The following ESS2 variants were observed in gnomAD, a reference collection of about 807,000 sequenced individuals.
The protein encoded by ESS2 is splicing factor ESS-2 homolog.
ESS2 carries 31 observed loss-of-function variants against 52.0 expected under a neutral mutation model. The observed-to-expected ratio is 0.60, with a 90% CI of 0.45 to 0.81. The LOEUF (loss-of-function observed/expected upper bound fraction) is 0.81, where lower values mean the gene tolerates loss of function less well. ESS2 is among the 30% of genes least tolerant of loss of function. ESS2 has a pLI of 0.00. For synonymous variants in ESS2, 285 were observed against 259.2 expected, an observed-to-expected ratio of 1.10 and a Z score of -0.95; for missense variants, 602 against 637.2, an observed-to-expected ratio of 0.94 and a Z score of 0.59.
In ESS2 at chr22:19,139,211, C is replaced by T. The variant is rs968116729; in HGVS notation, c.770G>A (p.Ser257Asn). 1.9e-6 allele frequency: 3 copies of T among 1,608,180 alleles called. No homozygotes were observed. Reference protein sequence around the residue: ...KNTRFLRDPFSQALSRCQLQQ... With the variant: ...KNTRFLRDPFNQALSRCQLQQ... ...GAGCTGGCACCTGCTCAGGGCTTGG[C>T]TGAAGGGGTCCCTAAGGAAGCGCGT... The change falls in exon 6 of 10, where the codon AGC (serine) becomes AAC (asparagine). Residue 257 changes from serine (S) to asparagine (N), a missense_variant. Physicochemically the swap from Ser to Asn is conservative, Grantham distance 46 (BLOSUM62 1). Coordinates refer to ENST00000252137, the MANE Select transcript of ESS2 (RefSeq NM_022719.3).
rs756053981 is a variant in ESS2 at position 19,142,765 on chromosome 22, A to G, written c.265T>C (p.Ser89Pro). 9.9e-6 allele frequency: 16 copies of G among 1,614,182 alleles called. No individual in the cohort carries two copies. Among genetic ancestry groups the G allele is most frequent in the Non-Finnish European group, 1.3e-5 (15 of 1,180,036 alleles). Residue 89 changes from serine to proline, a missense_variant, in exon 2 of 10, where the codon TCT becomes CCT. Transcript: ENST00000252137. Reference protein sequence around the residue: ...RMRQIAIKFGSALGKMSREPP... With the variant: ...RMRQIAIKFGPALGKMSREPP... Reference sequence around the variant, plus strand: ...TCCCGGGACATCTTGCCCAAGGCAGAGCCAAACTTGATGGCAATCTGGCGC... The same window carrying G: ...TCCCGGGACATCTTGCCCAAGGCAGGGCCAAACTTGATGGCAATCTGGCGC...
chr22:19,135,506 G>A (rs762380577), intron 8 of ESS2, among the ~76,000 whole-genome samples: 4 of 152,184 alleles, frequency 2.6e-5, no homozygotes, highest in East Asian at 1.9e-4. Context: ...GCGCTTCCCC[G>A]TGTGCCTGTG....
intron 5 of ESS2, 121 bp downstream of exon 5, chr22:19,139,491 T>A (rs1474713114): frequency 1.6e-6 from 2 of 1,249,046 alleles, no homozygotes; most frequent in African/African-American, 1.5e-5. Context: ...CCAGTACCCA[T>A]CAGAAGCCCA....
In ESS2 at chr22:19,140,023, T is replaced by A; in HGVS notation, c.402A>T (p.Gly134=). 1.2e-6 allele frequency: 2 copies of A among 1,613,524 alleles called. No individual in the cohort carries two copies. The highest frequency in any genetic ancestry group is 8.5e-7 in the Non-Finnish European group (1 of 1,179,944). The stretch of plus-strand genomic sequence containing the variant: ...CCTTCTCCTCCTCCTCTCCAGCCTC[T>A]CCTGCTTAGGGGTTGCGGGAGGAGG... ...PRPRGRGLED[G]EAGEEEEKEP... is the part of the protein sequence containing the mutation. The change falls in exon 4 of 10, where the codon GGA becomes GGT. Residue 134 remains glycine, a splice_region_variant and synonymous_variant. Transcript: ENST00000252137.
In ESS2 at chr22:19,139,957, C is replaced by G; in HGVS notation, c.468G>C (p.Thr156=). Residue 156 remains threonine, a synonymous_variant, in exon 4 of 10, where the codon ACG becomes ACC. Coordinates refer to ENST00000252137, the MANE Select transcript of ESS2 (RefSeq NM_022719.3). ...PSLDVFLSRY[T]SEDNASFQEI... ...CCTGGAAGGAGGCATTGTCCTCACT[C>G]GTGTAGCGGCTCAGGAAGACATCTA... is the stretch of plus-strand genomic sequence containing the variant. 6.2e-7 allele frequency: 1 copy of G among 1,614,160 alleles called. No individual in the cohort carries two copies. Among genetic ancestry groups the G allele is most frequent in the Non-Finnish European group, 8.5e-7 (1 of 1,180,030 alleles).
In ESS2 at chr22:19,132,217, A is replaced by T; in HGVS notation, c.*1979T>A. 1 of 1,612,134 alleles carries T rather than the reference A, an allele frequency of 6.2e-7. No homozygotes were observed. The highest frequency in any genetic ancestry group is 1.1e-5 in the South Asian group (1 of 91,020). On this transcript the variant is annotated 3_prime_UTR_variant, in exon 10 of 10. Coordinates refer to ENST00000252137, the MANE Select transcript of ESS2 (RefSeq NM_022719.3). This position sits in a 1 kb window ranked among gnomAD's most constrained non-coding sequence, Gnocchi z 4.2. Reference sequence around the variant, plus strand: ...GAGATCCTCAGCCACTCGTGGCTGCAGCCCCCCAAGCCCAAAGCCACGTCT... The same window carrying T: ...GAGATCCTCAGCCACTCGTGGCTGCTGCCCCCCAAGCCCAAAGCCACGTCT...
In ESS2 at chr22:19,135,640, T is replaced by G. The variant is rs1457173565; in HGVS notation, c.1036-465A>C. ...GCACATGTTTTTTCACTCATTTACA[T>G]TTGTTTCATTTATAACATTTTCTGC... is the stretch of plus-strand genomic sequence containing the variant. On this transcript the variant is annotated intron_variant, in intron 8 of 9. Coordinates refer to ENST00000252137, the MANE Select transcript of ESS2 (RefSeq NM_022719.3). Among the ~76,000 whole-genome samples the G allele has an allele frequency of 2.0e-4, 31 of 152,326 alleles. 1 individual carries two copies. The highest frequency in any genetic ancestry group is 1.5e-5 in the Non-Finnish European group (1 of 68,026).
At chr22:19,137,979 G>A (rs2083613559) in intron 7 of ESS2, 1 of 985,392 alleles carries the variant, frequency 1.0e-6, no homozygotes. Flanking sequence ...GACAGGACAC[G>A]TCATCCCAGG....
At position 19,142,602 on chromosome 22, in the gene ESS2, C is replaced by T. The variant is rs2083707435; in HGVS notation, c.336G>A (p.Glu112=). 1 of 1,613,802 alleles carries T rather than the reference C, an allele frequency of 6.2e-7. No homozygotes were observed. Among genetic ancestry groups the T allele is most frequent in the Non-Finnish European group, 8.5e-7 (1 of 1,179,880 alleles). ...CCACCACTCCAGTGCCTGCATGCAC[C>T]TCAGGGGTTTCAAATGTGGCTGGAG... ...YVTPATFETP[E]VHAGTGVVGN... The change falls in exon 3 of 10, where the codon GAG becomes GAA. Residue 112 remains glutamate (E), a synonymous_variant. Transcript: ENST00000252137.
At position 19,134,076 on chromosome 22, in the gene ESS2, TGGTATG is replaced by T; in HGVS notation, c.*114_*119del. 8.1e-7 allele frequency: 1 copy of T among 1,232,064 alleles called. No homozygotes were observed. The allele number at this position is 1,232,064 out of a possible 1,614,324, so 76.3% of individuals were successfully genotyped here. A position where few individuals can be genotyped will look rare whatever the true frequency, so the allele number is the denominator to read the frequency against. On this transcript the variant is annotated 3_prime_UTR_variant, in exon 10 of 10. Coordinates refer to ENST00000252137, the MANE Select transcript of ESS2 (RefSeq NM_022719.3). ...CACAGCCCCTTTCTCCAGTGACTCC[TGGTATG>T]GTCAACAGCTTCTGGCCCAGGCCTG...
rs760293119 is a variant in ESS2 at position 19,142,581 on chromosome 22, C to T, written c.357G>A (p.Val119=). The T allele has an allele frequency of 1.2e-6, 2 of 1,613,422 alleles. No individual in the cohort carries two copies. Among genetic ancestry groups the T allele is most frequent in the Admixed American group, 3.3e-5 (2 of 59,796 alleles). Residue 119 remains valine (V), a synonymous_variant, in exon 3 of 10, where the codon GTG becomes GTA. Coordinates refer to ENST00000252137, the MANE Select transcript of ESS2 (RefSeq NM_022719.3). ...ETPEVHAGTG[V]VGNKPRPRGR... ...CGCGGGGCCTGGGCTTGTTGCCCAC[C>T]ACTCCAGTGCCTGCATGCACCTCAG... is the stretch of plus-strand genomic sequence containing the variant.
chr22:19,144,481 G>A (rs766259698), intron 1 of ESS2, 25 bp downstream of exon 1: 1 of 1,611,358 alleles, frequency 6.2e-7, no homozygotes, highest in South Asian at 1.1e-5. Flanking sequence ...CCCAGAAGTC[G>A]CCGGCGTCCG....
At chr22:19,139,560 C>T (rs2083646044) in intron 5 of ESS2, 52 bp downstream of exon 5, 1 of 1,544,058 alleles carries the variant, frequency 6.5e-7, no homozygotes. Context: ...CAGCCAGACA[C>T]ACACAGCTCT....
chr22:19,138,666 C>T (rs1164783745), intron 6 of ESS2, among the ~76,000 whole-genome samples: 1 of 151,900 alleles, frequency 6.6e-6, no homozygotes, highest in African/African-American at 2.4e-5. Flanking sequence ...ATGCTGATGA[C>T]AGGCAATGCT....
rs1163081071 is a variant in ESS2 at position 19,132,245 on chromosome 22, T to C, written c.*1951A>G. 3 of 1,611,974 alleles carry C rather than the reference T, an allele frequency of 1.9e-6. No homozygotes were observed. Among genetic ancestry groups the C allele is most frequent in the Non-Finnish European group, 2.5e-6 (3 of 1,178,534 alleles). On this transcript the variant is annotated 3_prime_UTR_variant, in exon 10 of 10. Coordinates refer to ENST00000252137, the MANE Select transcript of ESS2 (RefSeq NM_022719.3). The surrounding 1 kb of genome is among the most constrained non-coding windows in gnomAD (Gnocchi z 4.2). ...CCCCCAAGCCCAAAGCCACGTCTTC[T>C]GCCTCCTTCAAGAGGGAGGGGGAGG...
In ESS2 at chr22:19,131,989, A is replaced by G. The variant is rs56279111; in HGVS notation, c.*2207T>C. The G allele has an allele frequency of 6.7e-4, 1,085 of 1,614,192 alleles. 17 individuals carry two copies. In the East Asian group the frequency reaches 0.022, roughly 32 times the overall value. ...AGCATCCCCTACCAGCCCAAGGTGT[A>G]TGACATCTGGAGCCTGGGCGTGATC... On this transcript the variant is annotated 3_prime_UTR_variant, in exon 10 of 10. Transcript: ENST00000252137. The surrounding 1 kb of genome is among the most constrained non-coding windows in gnomAD (Gnocchi z 5.7).
At position 19,131,598 on chromosome 22, in the gene ESS2, G is replaced by C. The variant is rs556171819; in HGVS notation, c.*2598C>G. ...TCGGGAGATGGACATCCTGGCAACT[G>C]TCAACCACGGCTCCATCATCAAGAC... On this transcript the variant is annotated 3_prime_UTR_variant, in exon 10 of 10. Transcript: ENST00000252137. The surrounding 1 kb of genome is among the most constrained non-coding windows in gnomAD (Gnocchi z 5.7). 6.2e-7 allele frequency: 1 copy of C among 1,614,178 alleles called. No individual in the cohort carries two copies. The highest frequency in any genetic ancestry group is 8.5e-7 in the Non-Finnish European group (1 of 1,180,046).
intron 3 of ESS2, among the ~76,000 whole-genome samples, chr22:19,141,039 C>G (rs116660997): frequency 2.0e-5 from 3 of 151,094 alleles, no homozygotes; most frequent in African/African-American, 7.3e-5. Context: ...CCTAGCACTT[C>G]GGGAGGCCAA....
chr22:19,132,499 G>A lies in ESS2; in HGVS notation c.*1697C>T, dbSNP rs757036434. The A allele has an allele frequency of 1.9e-6, 3 of 1,581,502 alleles. No homozygotes were observed. The highest frequency in any genetic ancestry group is 1.2e-5 in the South Asian group (1 of 86,766). On this transcript the variant is annotated 3_prime_UTR_variant, in exon 10 of 10. Coordinates refer to ENST00000252137, the MANE Select transcript of ESS2 (RefSeq NM_022719.3). The surrounding 1 kb of genome is among the most constrained non-coding windows in gnomAD (Gnocchi z 4.2). ...TAGCATGACAATGGCCCCGTTGTGTGTGGTGGGGGTCGGGGTTGGGGGGCA... is the reference window on the plus strand; with the variant it reads ...TAGCATGACAATGGCCCCGTTGTGTATGGTGGGGGTCGGGGTTGGGGGGCA...
Sources: gnomAD v4.1 joint callset for allele counts (sites outside exome capture counted in the v4.1 genomes callset) on GRCh38, gnomAD v4.1.1 for gene constraint, Gnocchi (gnomAD v3.1) non-coding constraint, MANE v1.5 for transcripts, NCBI Gene and HGNC (gene_info 2026-07-23, HGNC 2026-07-21) for gene names.